Variants in POLA1 observed in about 807,000 individuals in gnomAD.
POLA1 encodes DNA polymerase alpha 1, catalytic subunit.
POLA1 carries 15 observed loss-of-function variants against 124.0 expected under a neutral mutation model. The ratio of observed to expected loss-of-function variants is 0.12; its 90% CI spans 0.08 to 0.19. The LOEUF is 0.19. Among genes scored for constraint, POLA1 ranks in the 10% least tolerant of loss-of-function variants. The pLI is 1.00. For synonymous variants in POLA1, 408 were observed against 389.4 expected (o/e 1.05, Z -0.56); for missense variants, 886 against 1,103.4 (o/e 0.80, Z 2.79).
In POLA1 at chrX:24,947,246, C is replaced by CTTTTTTTTT. The variant is rs764618354; in HGVS notation, c.4261+16728_4261+16736dup. ...CAGCTGGTTGTTTTCCCTGCAGATT[C>CTTTTTTTTT]TTTTTTTTTTTTTTTTTTTTTTTTT... On this transcript the variant is annotated intron_variant, in intron 36 of 36. Transcript: ENST00000379068. 6.0e-4 allele frequency among the ~76,000 whole-genome samples: 13 copies of CTTTTTTTTT among 21,620 alleles called. 4 individuals are homozygous for CTTTTTTTTT. The highest frequency in any genetic ancestry group is 1.0e-3 in the Non-Finnish European group (12 of 11,987). The allele number at this position is 21,620 out of a possible 115,157, so 18.8% of individuals were successfully genotyped here. A position where few individuals can be genotyped will look rare whatever the true frequency, so the allele number is the denominator to read the frequency against.
chrX:24,726,549 T>G (rs1930549810), intron 13 of POLA1, among the ~76,000 whole-genome samples: 2 of 112,860 alleles, frequency 1.8e-5, no homozygotes, highest in South Asian at 7.3e-4. Context: ...TAAGAACTAT[T>G]TCTGACAGTG....
At chrX:24,966,581 T>G (rs770520277) in intron 36 of POLA1, among the ~76,000 whole-genome samples, 1 of 112,466 alleles carries the variant, frequency 8.9e-6, no homozygotes, top group Non-Finnish European at 1.9e-5. Context: ...GATAACAATA[T>G]CTGAGTGCAT....
chrX:24,942,597 C>T (rs748572025), intron 36 of POLA1, among the ~76,000 whole-genome samples: 1 of 112,356 alleles, frequency 8.9e-6, no homozygotes, highest in African/African-American at 3.2e-5. Flanking sequence ...CTTCCTTTGA[C>T]AAATGCATCA....
chrX:24,814,955 T>TTG, intron 29 of POLA1, 24 bp from the exon 30 acceptor site: 1 of 1,117,873 alleles, frequency 8.9e-7, no homozygotes, highest in Non-Finnish European at 1.2e-6. Context: ...TGTCTTTGTT[T>TTG]TGTTTTTTTT....
chrX:24,748,030 G>T (rs752745577), intron 24 of POLA1, among the ~76,000 whole-genome samples: 1 of 111,746 alleles, frequency 8.9e-6, no homozygotes, highest in African/African-American at 3.3e-5. Flanking sequence ...CACCGTGCCC[G>T]GCCAAATGTA....
At chrX:24,887,325 G>A (rs994615207) in intron 34 of POLA1, among the ~76,000 whole-genome samples, 3 of 112,346 alleles carry the variant, frequency 2.7e-5, no homozygotes, top group African/African-American at 9.7e-5. Context: ...AGAAGTGAGC[G>A]ATAGCTGTAG....
At chrX:24,819,309 A>T (rs1481775366) in intron 30 of POLA1, among the ~76,000 whole-genome samples, 1 of 112,297 alleles carries the variant, frequency 8.9e-6, no homozygotes, top group Non-Finnish European at 1.9e-5. Context: ...AAGTTTTCTA[A>T]AATTCTAATT....
At chrX:24,870,608 G>A (rs2046851723) in intron 34 of POLA1, among the ~76,000 whole-genome samples, 1 of 111,687 alleles carries the variant, frequency 9.0e-6, no homozygotes, top group Non-Finnish European at 1.9e-5. Flanking sequence ...TGCTTATGCA[G>A]CCATGTCAAA....
intron 36 of POLA1, among the ~76,000 whole-genome samples, chrX:24,960,423 G>A (rs1217711497): frequency 1.8e-5 from 2 of 111,633 alleles, no homozygotes; most frequent in African/African-American, 3.3e-5. Flanking sequence ...AAGTGGCTTC[G>A]AGGACCCAGC....
Position 24,801,920 on chromosome X carries a change from GGTGGGTGTGT to G in POLA1, c.2965-7974_2965-7965del, listed in dbSNP as rs2045712444. ...AGAAACAGAGCCACTAGGAGAGGTG[GGTGGGTGTGT>G]GTGTGTGTGTGTGTGTGTGTGTGTG... On this transcript the variant is annotated intron_variant, in intron 26 of 36. Transcript: ENST00000379068. Among the ~76,000 whole-genome samples the G allele has an allele frequency of 1.1e-4, 5 of 47,520 alleles. No homozygotes were observed. In the South Asian group the frequency reaches 4.9e-3, roughly 46 times the overall value. The allele number at this position is 47,520 out of a possible 115,157, so 41.3% of individuals were successfully genotyped here.
At chrX:24,891,095 G>A (rs757788461) in intron 35 of POLA1, among the ~76,000 whole-genome samples, 1 of 112,482 alleles carries the variant, frequency 8.9e-6, no homozygotes, top group African/African-American at 3.2e-5. Context: ...CTATTAGACC[G>A]ATACATTTCG....
chrX:24,765,871 T>C (rs1932893543), intron 26 of POLA1, among the ~76,000 whole-genome samples: 1 of 112,074 alleles, frequency 8.9e-6, no homozygotes, highest in Non-Finnish European at 1.9e-5. Flanking sequence ...GCAACTGTTA[T>C]GAAGCTGATA....
intron 4 of POLA1, among the ~76,000 whole-genome samples, chrX:24,707,227 C>G (rs1039428331): frequency 2.7e-5 from 3 of 112,145 alleles, no homozygotes; most frequent in African/African-American, 9.7e-5. Flanking sequence ...GCGGTGTCAT[C>G]TTGAACTAAT....
At chrX:24,994,818 A>C in intron 36 of POLA1, among the ~76,000 whole-genome samples, 2 of 111,473 alleles carry the variant, frequency 1.8e-5, no homozygotes, top group Admixed American at 1.9e-4. Context: ...TCCTGAACAC[A>C]GCGTCATCCC....
intron 26 of POLA1, among the ~76,000 whole-genome samples, chrX:24,796,742 T>G (rs2045613421): frequency 9.0e-6 from 1 of 111,698 alleles, no homozygotes; most frequent in African/African-American, 3.3e-5. Context: ...CTGAAATTCC[T>G]TACATCCCCT....
At chrX:24,790,905 G>GTA (rs1224793451) in intron 26 of POLA1, among the ~76,000 whole-genome samples, 207 of 63,537 alleles carry the variant, frequency 3.3e-3, no homozygotes, top group African/African-American at 0.013. Flanking sequence ...ATTTATTTAT[G>GTA]TATATGTATA....
intron 36 of POLA1, among the ~76,000 whole-genome samples, chrX:24,967,810 C>G (rs1412868072): frequency 2.7e-5 from 3 of 111,713 alleles, no homozygotes; most frequent in Non-Finnish European, 1.9e-5. Context: ...GATGCGGACA[C>G]CACTAGCTGT....
intron 35 of POLA1, among the ~76,000 whole-genome samples, chrX:24,922,227 A>G (rs914235707): frequency 5.2e-5 from 5 of 95,481 alleles, no homozygotes; most frequent in African/African-American, 1.7e-4. Flanking sequence ...GACATGCGCT[A>G]TCATACCCAA....
intron 35 of POLA1, among the ~76,000 whole-genome samples, chrX:24,895,228 G>C (rs1242187813): frequency 8.9e-6 from 1 of 112,311 alleles, no homozygotes; most frequent in Middle Eastern, 4.2e-3. Flanking sequence ...CAAAAGAACA[G>C]ACATTTAATT....
Sources: gnomAD v4.1 joint callset for allele counts (sites outside exome capture counted in the v4.1 genomes callset) on GRCh38, gnomAD v4.1.1 for gene constraint, MANE v1.5 for transcripts, NCBI Gene and HGNC (gene_info 2026-07-23, HGNC 2026-07-21) for gene names.